Variants in CUL1 observed in about 807,000 individuals in gnomAD.
CUL1 encodes cullin 1, also known as cullin-1.
A neutral mutation model predicts 118.0 loss-of-function variants in CUL1; 24 were observed. The ratio of observed to expected loss-of-function variants is 0.20; its 90% CI spans 0.15 to 0.29. CUL1 has a LOEUF of 0.29. CUL1 is among the 10% of genes least tolerant of loss of function. The pLI is 1.00. For synonymous variants in CUL1, 332 were observed against 340.4 expected (o/e 0.98, Z 0.27); for missense variants, 361 against 933.8 (o/e 0.39, Z 7.99).
intron 2 of CUL1, 41 bp downstream of exon 2, chr7:148,730,303 G>C (rs747748343): frequency 1.3e-6 from 2 of 1,561,518 alleles, no homozygotes; most frequent in Non-Finnish European, 1.7e-6. Flanking sequence ...TTAGAGTTTT[G>C]ATTATTTACT....
intron 2 of CUL1, among the ~76,000 whole-genome samples, chr7:148,749,201 G>A (rs1799401376): frequency 6.6e-6 from 1 of 152,154 alleles, no homozygotes; most frequent in Admixed American, 6.5e-5. Flanking sequence ...CAGATCACCT[G>A]AGGTCAGGAG....
Position 148,754,068 on chromosome 7 carries a change from C to G in CUL1, c.233C>G (p.Pro78Arg). 6.2e-7 allele frequency: 1 copy of G among 1,613,914 alleles called. No individual in the cohort carries two copies. Among genetic ancestry groups the G allele is most frequent in the Non-Finnish European group, 8.5e-7 (1 of 1,179,914 alleles). Residue 78 changes from proline (P) to arginine (R), a missense_variant, in exon 3 of 22, where the codon CCT becomes CGT. Around this residue, in one of 7 missense-constraint regions of CUL1, gnomAD observed 49 missense variants for 67.4 expected, o/e 0.73. Coordinates refer to ENST00000325222, the MANE Select transcript of CUL1 (RefSeq NM_003592.3). ...TCTAAGTCGAAAAAGGGGCAGACAC[C>G]TGGAGGAGCTCAGTTTGTTGGCCTG... ...PPSKSKKGQT[P>R]GGAQFVGLEL...
intron 15 of CUL1, among the ~76,000 whole-genome samples, chr7:148,790,081 T>C (rs1800953901): frequency 6.6e-6 from 1 of 152,266 alleles, no homozygotes; most frequent in Non-Finnish European, 1.5e-5. Context: ...AGTTGTGTAA[T>C]GAACACCTCG....
chr7:148,782,783 G>A (rs1294734063), intron 9 of CUL1, among the ~76,000 whole-genome samples: 2 of 152,224 alleles, frequency 1.3e-5, no homozygotes, highest in Non-Finnish European at 2.9e-5. Context: ...AATTGGGAAT[G>A]CTGATTTCTG....
At chr7:148,721,707 A>G (rs928126599) in intron 1 of CUL1, among the ~76,000 whole-genome samples, 1 of 151,636 alleles carries the variant, frequency 6.6e-6, no homozygotes. Context: ...GATATACTGT[A>G]TATATTCCTT....
At chr7:148,756,941 GAC>G (rs755895534) in intron 3 of CUL1, 40 bp from the exon 4 acceptor site, 1 of 1,384,350 alleles carries the variant, frequency 7.2e-7, no homozygotes, top group East Asian at 2.4e-5. Flanking sequence ...TTTATAATGT[GAC>G]AAATTAGTCA....
At chr7:148,794,108 G>A (rs1296847445) in intron 17 of CUL1, among the ~76,000 whole-genome samples, 1 of 151,480 alleles carries the variant, frequency 6.6e-6, no homozygotes, top group African/African-American at 2.4e-5. Flanking sequence ...TCTTTTTGTT[G>A]TTGAGTCGTA....
At chr7:148,796,837 G>A (rs1270189313) in intron 17 of CUL1, among the ~76,000 whole-genome samples, 3 of 152,194 alleles carry the variant, frequency 2.0e-5, no homozygotes, top group Non-Finnish European at 4.4e-5. Flanking sequence ...TCTAGATGCA[G>A]TGGGCAGTAT....
At chr7:148,791,791 A>T (rs1370233579) in intron 16 of CUL1, among the ~76,000 whole-genome samples, 1 of 152,354 alleles carries the variant, frequency 6.6e-6, no homozygotes, top group East Asian at 1.9e-4. Flanking sequence ...GTTGCTGTCG[A>T]TTATGCAAGA....
In CUL1 at chr7:148,791,160, AT is replaced by A. The variant is rs1563170603; in HGVS notation, c.1806+725del. On this transcript the variant is annotated intron_variant, in intron 16 of 21. Transcript: ENST00000325222. ...ACATAGCAAGACCCCATCTCTAGAT[AT>A]TTTTTAAAGTAAAAAGAAAAAAAAG... Among the ~76,000 whole-genome samples the A allele has an allele frequency of 2.0e-5, 3 of 152,128 alleles. No individual in the cohort carries two copies. In the South Asian group the frequency reaches 6.2e-4, roughly 32 times the overall value.
At chr7:148,736,542 G>A (rs243509) in intron 2 of CUL1, among the ~76,000 whole-genome samples, 68,053 of 151,962 alleles carry the variant, frequency 0.45, 16,220 homozygotes, top group African/African-American at 0.62. Context: ...GCTTCAAGCA[G>A]TCCTCCCACC....
chr7:148,698,861 A>G (rs1164361261), upstream of CUL1: 1 of 152,330 alleles, frequency 6.6e-6, no homozygotes, highest in African/African-American at 2.5e-5. Flanking sequence ...CCGGGCGGGC[A>G]GGGGAGGAGG....
chr7:148,791,591 C>T (rs1467620110), intron 16 of CUL1, among the ~76,000 whole-genome samples: 1 of 152,242 alleles, frequency 6.6e-6, no homozygotes, highest in Non-Finnish European at 1.5e-5. Context: ...CGTGTTAAGG[C>T]AGCCCGGAGC....
intron 9 of CUL1, among the ~76,000 whole-genome samples, chr7:148,780,892 C>T (rs1800603791): frequency 6.6e-6 from 1 of 152,040 alleles, no homozygotes; most frequent in Non-Finnish European, 1.5e-5. Context: ...TGTTTTATAA[C>T]CTGTCTTCGT....
chr7:148,762,440 CT>C (rs911857095), intron 7 of CUL1, among the ~76,000 whole-genome samples: 3 of 152,132 alleles, frequency 2.0e-5, no homozygotes, highest in Non-Finnish European at 4.4e-5. Flanking sequence ...TTAATGGTTC[CT>C]TGTGTATAAT....
At chr7:148,762,666 CA>C (rs1240735224) in intron 7 of CUL1, among the ~76,000 whole-genome samples, 9 of 152,190 alleles carry the variant, frequency 5.9e-5, no homozygotes, top group Non-Finnish European at 1.2e-4. Context: ...CTATATATCC[CA>C]AAGACCTCTT....
chr7:148,785,468 C>T (rs1800782925), intron 11 of CUL1, among the ~76,000 whole-genome samples: 1 of 151,808 alleles, frequency 6.6e-6, no homozygotes. Flanking sequence ...AAGTGATTCT[C>T]ATGCCTTAGC....
chr7:148,770,721 G>A (rs1800181648), intron 9 of CUL1, among the ~76,000 whole-genome samples: 1 of 152,164 alleles, frequency 6.6e-6, no homozygotes, highest in Admixed American at 6.5e-5. Flanking sequence ...GGGAGCGTGG[G>A]TGCCCGGGCC....
At position 148,731,658 on chromosome 7, in the gene CUL1, A is replaced by T. The variant is rs112398992; in HGVS notation, c.140+1396A>T. On this transcript the variant is annotated intron_variant, in intron 2 of 21. Coordinates refer to ENST00000325222, the MANE Select transcript of CUL1 (RefSeq NM_003592.3). ...AGAACATTTTAATCACCCCAAAACGACACCTTGTACCCATTAGCAGTCACT... is the reference window on the plus strand; with the variant it reads ...AGAACATTTTAATCACCCCAAAACGTCACCTTGTACCCATTAGCAGTCACT... 6.7e-3 allele frequency among the ~76,000 whole-genome samples: 1,020 copies of T among 152,200 alleles called. 12 individuals carry two copies. The highest frequency in any genetic ancestry group is 0.023 in the African/African-American group (972 of 41,502).
Sources: gnomAD v4.1 joint callset for allele counts (sites outside exome capture counted in the v4.1 genomes callset) on GRCh38, gnomAD v4.1.1 for gene constraint, gnomAD v4.1.1 regional missense constraint, MANE v1.5 for transcripts, NCBI Gene and HGNC (gene_info 2026-07-23, HGNC 2026-07-21) for gene names.